LRRC4C: variants seen among roughly 807,000 people sequenced by gnomAD.
The protein encoded by LRRC4C is leucine rich repeat containing 4C.
A neutral mutation model predicts 33.6 loss-of-function variants in LRRC4C; 5 were observed. The ratio of observed to expected loss-of-function variants is 0.15; its 90% confidence interval spans 0.08 to 0.31. LRRC4C has a LOEUF of 0.31. LRRC4C is among the 10% of genes least tolerant of loss of function. The pLI is 1.00. For missense variants in LRRC4C, 560 were observed against 796.7 expected, an observed-to-expected ratio of 0.70 and a Z score of 3.58; for synonymous variants, 329 against 302.0, an observed-to-expected ratio of 1.09 and a Z score of -0.93.
intron 6 of LRRC4C, among the ~76,000 whole-genome samples, chr11:40,126,343 C>G (rs1342116139): frequency 1.3e-5 from 2 of 152,018 alleles, no homozygotes; most frequent in Non-Finnish European, 2.9e-5. Context: ...CTAGTGATAA[C>G]ATTACCATAT....
chr11:40,612,384 G>A (rs973517601), intron 3 of LRRC4C, among the ~76,000 whole-genome samples: 4 of 151,820 alleles, frequency 2.6e-5, no homozygotes, highest in Non-Finnish European at 5.9e-5. Context: ...AGGAGCTGGG[G>A]ATAAAGAGGT....
Position 40,274,424 on chromosome 11 carries a change from T to TACACACACACACACACAC in LRRC4C, c.-175-32844_-175-32827dup, listed in dbSNP as rs56027023. 5.3e-4 allele frequency among the ~76,000 whole-genome samples: 74 copies of TACACACACACACACACAC among 139,010 alleles called. 1 individual carries two copies. The highest frequency in any genetic ancestry group is 4.3e-3 in the East Asian group (19 of 4,392). The allele number at this position is 139,010 out of a possible 152,430, so 91.2% of individuals were successfully genotyped here. A position where few individuals can be genotyped will look rare whatever the true frequency, so the allele number is the denominator to read the frequency against. ...TTACCCTGCGGAATAGACACACACA[T>TACACACACACACACACAC]ACACACACACACACACACACACACA... On this transcript the variant is annotated intron_variant, in intron 4 of 6. Coordinates refer to ENST00000528697, the MANE Select transcript of LRRC4C (RefSeq NM_001258419.2).
At chr11:41,325,708 A>G (rs1465425345) in intron 1 of LRRC4C, among the ~76,000 whole-genome samples, 1 of 151,988 alleles carries the variant, frequency 6.6e-6, no homozygotes, top group East Asian at 1.9e-4. Flanking sequence ...CAACAAAACA[A>G]CAACAACAGC....
rs1431575555 is a variant in LRRC4C, at chr11:41,282,627, G to A, written c.-496+176804C>T. On this transcript the variant is annotated intron_variant, in intron 1 of 6. Transcript: ENST00000528697. The stretch of plus-strand genomic sequence containing the variant: ...GGGATGTCTGCCCGGGGTGTGGATC[G>A]GTTTGCGTAGGATGAGCCATACTTG... Among the ~76,000 whole-genome samples, 3 of 151,026 alleles carry A rather than the reference G, an allele frequency of 2.0e-5. No homozygotes were observed. The South Asian group carries it at 6.3e-4, about 32-fold the overall frequency.
At chr11:40,420,254 C>A (rs1950475110) in intron 3 of LRRC4C, among the ~76,000 whole-genome samples, 1 of 152,180 alleles carries the variant, frequency 6.6e-6, no homozygotes, top group Admixed American at 6.5e-5. Context: ...CACAATTGTA[C>A]TGAGGCCATG....
intron 1 of LRRC4C, among the ~76,000 whole-genome samples, chr11:41,274,566 C>T (rs569898988): frequency 6.6e-6 from 1 of 152,162 alleles, no homozygotes; most frequent in South Asian, 2.1e-4. Context: ...TGGAGTAGGT[C>T]AAGCTAGCTA....
At chr11:40,500,289 TATATACACACAC>T (rs1374027003) in intron 3 of LRRC4C, among the ~76,000 whole-genome samples, 2,417 of 83,500 alleles carry the variant, frequency 0.029, 72 homozygotes, top group African/African-American at 0.1. Context: ...TATATATATA[TATATACACACAC>T]ACACACACAC....
intron 3 of LRRC4C, among the ~76,000 whole-genome samples, chr11:40,449,641 A>G (rs929034701): frequency 1.2e-4 from 19 of 152,148 alleles, no homozygotes. Flanking sequence ...ACTTGCAATT[A>G]TGTCCCTGCT....
chr11:40,776,014 G>A lies in LRRC4C; in HGVS notation c.-406-127736C>T, dbSNP rs565723585. Among the ~76,000 whole-genome samples, 6 of 151,980 alleles carry A rather than the reference G, an allele frequency of 3.9e-5. No homozygotes were observed. The East Asian group carries it at 1.2e-3, about 29-fold the overall frequency. ...TTGGATTTTATCAAAAGGATTTTCT[G>A]TATCTATTGAGATGATTATATGGTT... On this transcript the variant is annotated intron_variant, in intron 2 of 6. Coordinates refer to ENST00000528697, the MANE Select transcript of LRRC4C (RefSeq NM_001258419.2).
chr11:40,405,269 C>A (rs1342453763), intron 3 of LRRC4C, among the ~76,000 whole-genome samples: 1 of 151,890 alleles, frequency 6.6e-6, no homozygotes, highest in African/African-American at 2.4e-5. Flanking sequence ...GGAGAATATC[C>A]TCCTTAAGGC....
At chr11:40,248,360 G>A (rs1866508049) in intron 4 of LRRC4C, among the ~76,000 whole-genome samples, 1 of 152,080 alleles carries the variant, frequency 6.6e-6, no homozygotes, top group South Asian at 2.1e-4. Context: ...TGACTTTTTG[G>A]GCTAATTTAT....
At chr11:41,106,598 T>A (rs190375628) in intron 1 of LRRC4C, among the ~76,000 whole-genome samples, 1 of 152,248 alleles carries the variant, frequency 6.6e-6, no homozygotes, top group African/African-American at 2.4e-5. Context: ...ACGTAGGGCA[T>A]ACTGCTTATG....
chr11:40,533,262 A>G (rs1367228718), intron 3 of LRRC4C, among the ~76,000 whole-genome samples: 1 of 152,184 alleles, frequency 6.6e-6, no homozygotes, highest in Non-Finnish European at 1.5e-5. Flanking sequence ...GAATAATTAT[A>G]ACATTCTCTA....
intron 1 of LRRC4C, among the ~76,000 whole-genome samples, chr11:41,069,843 A>C (rs559583458): frequency 1.3e-5 from 2 of 152,312 alleles, no homozygotes; most frequent in Admixed American, 6.5e-5. Flanking sequence ...CATCCTACCC[A>C]AAAGGATTTA....
chr11:41,357,527 A>G (rs1287815616), intron 1 of LRRC4C, among the ~76,000 whole-genome samples: 1 of 152,014 alleles, frequency 6.6e-6, no homozygotes, highest in African/African-American at 2.4e-5. Flanking sequence ...AGTCTCATAA[A>G]AGACTTGATT....
At chr11:40,811,238 C>T (rs1232257777) in intron 2 of LRRC4C, among the ~76,000 whole-genome samples, 1 of 152,096 alleles carries the variant, frequency 6.6e-6, no homozygotes, top group East Asian at 1.9e-4. Flanking sequence ...CTCTCCAACT[C>T]CACTATCTAA....
intron 5 of LRRC4C, among the ~76,000 whole-genome samples, chr11:40,216,193 C>T (rs2135875720): frequency 6.6e-6 from 1 of 152,248 alleles, no homozygotes; most frequent in Middle Eastern, 3.4e-3. Flanking sequence ...TCACTCACTA[C>T]TTGGGGTAAA....
At chr11:41,294,198 G>A (rs1014341394) in intron 1 of LRRC4C, among the ~76,000 whole-genome samples, 1 of 152,156 alleles carries the variant, frequency 6.6e-6, no homozygotes, top group Admixed American at 6.5e-5. Flanking sequence ...CAAAGAGAAT[G>A]TACTATTCAC....
At chr11:41,342,834 G>T (rs537646990) in intron 1 of LRRC4C, among the ~76,000 whole-genome samples, 2 of 152,280 alleles carry the variant, frequency 1.3e-5, no homozygotes, top group African/African-American at 4.8e-5. Context: ...CCACAGAGTT[G>T]GTGACTTAAA....
Sources: allele counts gnomAD v4.1 joint callset (sites outside exome capture counted in the v4.1 genomes callset), GRCh38; gene constraint gnomAD v4.1.1; transcripts MANE v1.5; gene names NCBI Gene and HGNC (gene_info 2026-07-23, HGNC 2026-07-21).